Variants in ROR1 observed in about 807,000 individuals in gnomAD.
ROR1 encodes inactive tyrosine-protein kinase transmembrane receptor ROR1.
A neutral mutation model predicts 78.8 loss-of-function variants in ROR1; 19 were observed. The ratio of observed to expected loss-of-function variants is 0.24; its 90% confidence interval spans 0.17 to 0.35. The LOEUF (loss-of-function observed/expected upper bound fraction) is 0.35, where lower values mean the gene tolerates loss of function less well. ROR1 is among the 10% of genes least tolerant of loss of function. ROR1 has a pLI of 1.00. For synonymous variants in ROR1, 386 were observed against 433.6 expected (o/e 0.89, Z 1.36); for missense variants, 917 against 1,177.8 (o/e 0.78, Z 3.24).
chr1:63,781,087 A>C (rs1341886657), intron 1 of ROR1, among the ~76,000 whole-genome samples: 1 of 152,202 alleles, frequency 6.6e-6, no homozygotes, highest in Admixed American at 6.5e-5. Context: ...AGGACTTCTA[A>C]AGACAAAGCA....
At chr1:63,924,352 G>C (rs1365100278) in intron 1 of ROR1, among the ~76,000 whole-genome samples, 1 of 152,104 alleles carries the variant, frequency 6.6e-6, no homozygotes, top group Non-Finnish European at 1.5e-5. Context: ...AATATTGATT[G>C]ATTGAATGAA....
At chr1:63,992,905 C>G (rs1023613487) in intron 1 of ROR1, among the ~76,000 whole-genome samples, 55 of 152,152 alleles carry the variant, frequency 3.6e-4, no homozygotes, top group Non-Finnish European at 7.9e-4. Flanking sequence ...CACAACTACC[C>G]CTTATGAATT....
intron 1 of ROR1, among the ~76,000 whole-genome samples, chr1:63,844,478 G>A (rs76399475): frequency 6.6e-6 from 1 of 152,264 alleles, no homozygotes; most frequent in South Asian, 2.1e-4. Context: ...GGGATGGGGG[G>A]TGTTTTATTT....
At chr1:63,876,764 CTA>C (rs1471131334) in intron 1 of ROR1, among the ~76,000 whole-genome samples, 1 of 151,166 alleles carries the variant, frequency 6.6e-6, no homozygotes, top group African/African-American at 2.4e-5. Flanking sequence ...CGTTTCAAGG[CTA>C]TGTTTTAGGT....
At chr1:64,040,253 ACTCAAGGACCAATT>A (rs893549440) in intron 2 of ROR1, among the ~76,000 whole-genome samples, 17 of 152,292 alleles carry the variant, frequency 1.1e-4, no homozygotes, top group African/African-American at 3.6e-4. Flanking sequence ...TTTCACCAAA[ACTCAAGGACCAATT>A]CTCAAGCCAG....
Position 64,166,196 on chromosome 1 carries a change from C to T in ROR1, c.1386+7004C>T, listed in dbSNP as rs181244032. 2.2e-3 allele frequency among the ~76,000 whole-genome samples: 335 copies of T among 152,190 alleles called. 6 individuals carry two copies. The highest frequency in any genetic ancestry group is 7.5e-3 in the African/African-American group (313 of 41,540). On this transcript the variant is annotated intron_variant, in intron 8 of 8. Coordinates refer to ENST00000371079, the MANE Select transcript of ROR1 (RefSeq NM_005012.4). ...AGTTGTAGGTGTGCAATCTAATTTC[C>T]GAGTTCTCTATTCTGTTCCATTGTT...
At chr1:63,789,546 G>C (rs1444945525) in intron 1 of ROR1, among the ~76,000 whole-genome samples, 1 of 152,132 alleles carries the variant, frequency 6.6e-6, no homozygotes, top group Non-Finnish European at 1.5e-5. Context: ...AAGTTGGCAG[G>C]TAACAGGGTG....
At chr1:63,815,309 G>A (rs1457567634) in intron 1 of ROR1, among the ~76,000 whole-genome samples, 1 of 152,052 alleles carries the variant, frequency 6.6e-6, no homozygotes, top group Admixed American at 6.5e-5. Flanking sequence ...TAATCTGAGA[G>A]CATTAAGTCT....
chr1:64,137,327 T>A, intron 4 of ROR1, 42 bp from the exon 5 acceptor site: 1 of 1,611,578 alleles, frequency 6.2e-7, no homozygotes, highest in South Asian at 1.1e-5. Context: ...GCCCTGTATG[T>A]ATGTGGTGCA....
chr1:64,102,290 GTGAAATGGTAAATGAAACCAAA>G (rs1237221166), intron 4 of ROR1, among the ~76,000 whole-genome samples: 4 of 152,200 alleles, frequency 2.6e-5, no homozygotes, highest in African/African-American at 9.7e-5. Flanking sequence ...AGGCGATTAA[GTGAAATGGTAAATGAAACCAAA>G]TCTATTGCCT....
chr1:64,021,875 A>C (rs1194577280), intron 2 of ROR1, among the ~76,000 whole-genome samples: 1 of 152,232 alleles, frequency 6.6e-6, no homozygotes, highest in Non-Finnish European at 1.5e-5. Flanking sequence ...TAGAAGACAT[A>C]AAAATTGTAA....
At chr1:63,903,075 A>G (rs1190391417) in intron 1 of ROR1, among the ~76,000 whole-genome samples, 1 of 152,166 alleles carries the variant, frequency 6.6e-6, no homozygotes, top group Non-Finnish European at 1.5e-5. Flanking sequence ...GACCACCCTC[A>G]GCTGCCAGGG....
chr1:64,121,469 C>T (rs1648540164), intron 4 of ROR1, among the ~76,000 whole-genome samples: 1 of 152,102 alleles, frequency 6.6e-6, no homozygotes, highest in Admixed American at 6.5e-5. Flanking sequence ...CACCACTGTC[C>T]CTCCCCCGGA....
chr1:64,133,006 G>C (rs1471752746), intron 4 of ROR1, among the ~76,000 whole-genome samples: 1 of 152,060 alleles, frequency 6.6e-6, no homozygotes, highest in East Asian at 1.9e-4. Flanking sequence ...CTATTGGCCT[G>C]TCAGTGGTAA....
chr1:63,853,444 GA>G (rs370658879), intron 1 of ROR1, among the ~76,000 whole-genome samples: 26 of 152,158 alleles, frequency 1.7e-4, no homozygotes, highest in African/African-American at 6.0e-4. Context: ...ATGCCAACAT[GA>G]TGCTCAAAGG....
intron 1 of ROR1, among the ~76,000 whole-genome samples, chr1:63,887,915 G>A (rs855848): frequency 0.92 from 140,302 of 152,246 alleles, 64,715 homozygotes; most frequent in East Asian, 1. Context: ...TTAATCTTCA[G>A]AATGACACCT....
At chr1:63,891,771 A>G (rs1400490523) in intron 1 of ROR1, among the ~76,000 whole-genome samples, 1 of 152,132 alleles carries the variant, frequency 6.6e-6, no homozygotes, top group African/African-American at 2.4e-5. Context: ...GTGGACATCA[A>G]AGATCCTAGT....
At chr1:64,013,938 G>A (rs1249587914) in intron 2 of ROR1, among the ~76,000 whole-genome samples, 2 of 152,214 alleles carry the variant, frequency 1.3e-5, no homozygotes, top group East Asian at 1.9e-4. Flanking sequence ...TGCCTACCAG[G>A]CGTGAGGCAC....
chr1:64,132,431 G>A (rs1648945455), intron 4 of ROR1, among the ~76,000 whole-genome samples: 1 of 152,070 alleles, frequency 6.6e-6, no homozygotes, highest in African/African-American at 2.4e-5. Flanking sequence ...TTTACAGTCA[G>A]GAAAGTCCCT....
Sources: allele counts gnomAD v4.1 joint callset (sites outside exome capture counted in the v4.1 genomes callset), GRCh38; gene constraint gnomAD v4.1.1; transcripts MANE v1.5; gene names NCBI Gene and HGNC (gene_info 2026-07-23, HGNC 2026-07-21).